Variants in MIR2052HG observed in about 807,000 individuals in gnomAD.
MIR2052HG encodes MIR2052 host gene.
chr8:74,611,817 AG>A (rs1481833968), intron 1 of MIR2052HG, among the ~76,000 whole-genome samples: 1 of 152,206 alleles, frequency 6.6e-6, no homozygotes, highest in Non-Finnish European at 1.5e-5. Flanking sequence ...CATGATTGAT[AG>A]GATGTTCAAC....
intron 4 of MIR2052HG, among the ~76,000 whole-genome samples, chr8:74,713,385 G>A (rs1809489324): frequency 6.6e-6 from 1 of 152,112 alleles, no homozygotes; most frequent in Non-Finnish European, 1.5e-5. Flanking sequence ...CAAAATGGAT[G>A]TAACTCTCCT....
At position 74,716,338 on chromosome 8, in the gene MIR2052HG, G is replaced by A. The variant is rs191630734; in HGVS notation, n.371+12656G>A. ...AATTGGTTAACATCATGAAACAGAA[G>A]TTGGCTTGAAAGCAAGCTTTAATAT... On this transcript the variant is annotated intron_variant and non_coding_transcript_variant, in intron 4 of 6. Transcript: ENST00000523442. 1.2e-4 allele frequency among the ~76,000 whole-genome samples: 18 copies of A among 152,308 alleles called. No homozygotes were observed. The East Asian group carries it at 3.1e-3, about 26-fold the overall frequency.
At chr8:74,732,341 TG>T (rs1809701086) in intron 4 of MIR2052HG, among the ~76,000 whole-genome samples, 1 of 152,144 alleles carries the variant, frequency 6.6e-6, no homozygotes, top group Non-Finnish European at 1.5e-5. Context: ...TTGCTCTTTA[TG>T]GGGGGTCCTG....
intron 2 of MIR2052HG, among the ~76,000 whole-genome samples, chr8:74,663,139 G>A (rs1352656308): frequency 6.6e-6 from 1 of 151,872 alleles, no homozygotes; most frequent in East Asian, 1.9e-4. Context: ...AAAGAGTATT[G>A]GTAATATGAA....
At chr8:74,715,984 G>A (rs1009879634) in intron 4 of MIR2052HG, among the ~76,000 whole-genome samples, 1 of 152,168 alleles carries the variant, frequency 6.6e-6, no homozygotes, top group African/African-American at 2.4e-5. Flanking sequence ...TCCAGAAATA[G>A]ACCCTGAATG....
chr8:74,605,775 C>T (rs1808101495), intron 1 of MIR2052HG, among the ~76,000 whole-genome samples: 1 of 146,278 alleles, frequency 6.8e-6, no homozygotes, highest in Non-Finnish European at 1.5e-5. Context: ...AACTAAAGAA[C>T]TGGAAATGAT....
chr8:74,623,498 T>G (rs1383497816), intron 2 of MIR2052HG, among the ~76,000 whole-genome samples: 1 of 151,462 alleles, frequency 6.6e-6, no homozygotes, highest in Non-Finnish European at 1.5e-5. Context: ...TGTTCAGAAC[T>G]TAAAGATCAT....
chr8:74,609,200 G>A (rs150320783), intron 1 of MIR2052HG, among the ~76,000 whole-genome samples: 1 of 151,892 alleles, frequency 6.6e-6, no homozygotes, highest in Admixed American at 6.6e-5. Flanking sequence ...CTACTTACAA[G>A]AAAAGAACAA....
intron 2 of MIR2052HG, among the ~76,000 whole-genome samples, chr8:74,661,144 G>A (rs1242038716): frequency 1.3e-5 from 2 of 151,494 alleles, no homozygotes; most frequent in South Asian, 2.1e-4. Flanking sequence ...TACCAGCTGG[G>A]CTACCTTGGT....
intron 2 of MIR2052HG, among the ~76,000 whole-genome samples, chr8:74,691,723 G>C (rs1809241522): frequency 6.6e-6 from 1 of 152,150 alleles, no homozygotes; most frequent in African/African-American, 2.4e-5. Context: ...GTTTTAGAAA[G>C]TTATTTCTGG....
At chr8:74,755,642 G>T (rs536753264) in intron 5 of MIR2052HG, among the ~76,000 whole-genome samples, 1 of 152,116 alleles carries the variant, frequency 6.6e-6, no homozygotes, top group Non-Finnish European at 1.5e-5. Flanking sequence ...TCAGATGCAC[G>T]GTCTTCCAGC....
intron 2 of MIR2052HG, among the ~76,000 whole-genome samples, chr8:74,697,973 C>T (rs1467328002): frequency 6.6e-6 from 1 of 152,060 alleles, no homozygotes; most frequent in Non-Finnish European, 1.5e-5. Context: ...ATCAAAATAC[C>T]ACGATCATTC....
At chr8:74,686,807 A>G (rs2128739556) in intron 2 of MIR2052HG, among the ~76,000 whole-genome samples, 2 of 152,244 alleles carry the variant, frequency 1.3e-5, no homozygotes, top group East Asian at 3.9e-4. Flanking sequence ...TGGACTTACC[A>G]TTTATGTCAA....
intron 4 of MIR2052HG, among the ~76,000 whole-genome samples, chr8:74,727,663 T>A (rs1809650872): frequency 6.6e-6 from 1 of 152,244 alleles, no homozygotes; most frequent in African/African-American, 2.4e-5. Context: ...GCATATTTTT[T>A]TCTAGTTTAG....
At chr8:74,720,240 C>T (rs540563678) in intron 4 of MIR2052HG, among the ~76,000 whole-genome samples, 2 of 152,152 alleles carry the variant, frequency 1.3e-5, no homozygotes, top group Non-Finnish European at 2.9e-5. Context: ...TTCAAATTAC[C>T]GAACTCTCAG....
At chr8:74,689,689 A>G (rs1459271197) in intron 2 of MIR2052HG, among the ~76,000 whole-genome samples, 1 of 152,272 alleles carries the variant, frequency 6.6e-6, no homozygotes, top group Non-Finnish European at 1.5e-5. Context: ...GTAAAGAAGG[A>G]TAAGTCACAA....
intron 2 of MIR2052HG, among the ~76,000 whole-genome samples, chr8:74,675,386 T>A (rs1809039908): frequency 6.6e-6 from 1 of 152,070 alleles, no homozygotes; most frequent in African/African-American, 2.4e-5. Context: ...AGCATTTACA[T>A]TATATTAGGT....
intron 2 of MIR2052HG, among the ~76,000 whole-genome samples, chr8:74,623,732 G>A (rs761796163): frequency 3.9e-5 from 6 of 152,072 alleles, no homozygotes; most frequent in Non-Finnish European, 5.9e-5. Context: ...ACAAAGATGC[G>A]AAAAGAAACA....
chr8:74,754,780 G>T (rs1347220954), intron 5 of MIR2052HG, among the ~76,000 whole-genome samples: 1 of 152,200 alleles, frequency 6.6e-6, no homozygotes, highest in Non-Finnish European at 1.5e-5. Context: ...CAGAGCCAAT[G>T]CTTCCTGGAT....
Sources: gnomAD v4.1 joint callset for allele counts (sites outside exome capture counted in the v4.1 genomes callset) on GRCh38, gnomAD v4.1.1 for gene constraint, MANE v1.5 for transcripts, NCBI Gene and HGNC (gene_info 2026-07-23, HGNC 2026-07-21) for gene names.